CELF5: variants seen among roughly 807,000 people sequenced by gnomAD.
CELF5 encodes CUG-BP and ETR-3 like factor 5.
A neutral mutation model predicts 54.9 loss-of-function variants in CELF5; 6 were observed. The ratio of observed to expected loss-of-function variants is 0.11; its 90% CI spans 0.06 to 0.22. The LOEUF is 0.22. Ranked by LOEUF, CELF5 falls within the 10% of genes least tolerant of loss-of-function variation. The pLI is 1.00. For synonymous variants in CELF5, 271 were observed against 290.9 expected, an observed-to-expected ratio of 0.93 and a Z score of 0.70; for missense variants, 401 against 678.6, an observed-to-expected ratio of 0.59 and a Z score of 4.54.
chr19:3,250,849 G>C (rs1243552520), intron 1 of CELF5, 136 bp from the exon 2 acceptor site: 2 of 635,806 alleles, frequency 3.1e-6, no homozygotes, highest in Non-Finnish European at 5.7e-6. Context: ...TTGCGTGGAT[G>C]CACCAGGTTG....
chr19:3,274,390 C>T (rs1271603763), intron 3 of CELF5, among the ~76,000 whole-genome samples: 1 of 152,288 alleles, frequency 6.6e-6, no homozygotes. Context: ...TGTGTGAGTA[C>T]GTGCACATGT....
Position 3,278,687 on chromosome 19 carries a change from G to A in CELF5, c.603+577G>A, listed in dbSNP as rs1337816593. 6.6e-6 allele frequency among the ~76,000 whole-genome samples: 1 copy of A among 151,626 alleles called. No homozygotes were observed. Among genetic ancestry groups the A allele is most frequent in the Non-Finnish European group, 1.5e-5 (1 of 67,862 alleles). ...TGCATTTGTGGGCAGGTTTGTGTGT[G>A]TGTGTGTGTGTGTTTGTGTGTGTGC... is the stretch of plus-strand genomic sequence containing the variant. On this transcript the variant is annotated intron_variant, in intron 5 of 12. Coordinates refer to ENST00000292672, the MANE Select transcript of CELF5 (RefSeq NM_021938.4). The surrounding 1 kb of genome is among the most constrained non-coding windows in gnomAD (Gnocchi z 4.5).
chr19:3,225,499 G>T, intron 1 of CELF5: 1 of 225,742 alleles, frequency 4.4e-6, no homozygotes, highest in Non-Finnish European at 5.7e-6. Context: ...AGCCTCCCCA[G>T]GCCCCGTCGG....
At chr19:3,244,249 C>T (rs1568334576) in intron 1 of CELF5, among the ~76,000 whole-genome samples, 1 of 151,718 alleles carries the variant, frequency 6.6e-6, no homozygotes, top group Admixed American at 6.6e-5. Flanking sequence ...CTGTGTGTGG[C>T]GTGTGCATGG....
intron 2 of CELF5, 62 bp from the exon 3 acceptor site, chr19:3,273,810 A>T: frequency 1.7e-6 from 2 of 1,190,150 alleles, no homozygotes; most frequent in Non-Finnish European, 1.2e-6. Flanking sequence ...CTCAGGCAAA[A>T]CCCCCCGCCT....
chr19:3,242,744 T>C (rs2079508963), intron 1 of CELF5, among the ~76,000 whole-genome samples: 1 of 152,012 alleles, frequency 6.6e-6, no homozygotes, highest in Admixed American at 6.6e-5. Flanking sequence ...AGGCAGAGGT[T>C]ACAGTGAGCC....
intron 2 of CELF5, among the ~76,000 whole-genome samples, chr19:3,267,011 C>T (rs1484363626): frequency 6.6e-5 from 10 of 152,232 alleles, no homozygotes; most frequent in South Asian, 4.1e-4. Context: ...CGTGAGACAC[C>T]GAGACAGCCA....
Position 3,286,015 on chromosome 19 carries a change from G to A in CELF5, c.1176G>A (p.Gln392=), listed in dbSNP as rs376828058. The change falls in exon 10 of 13, where the codon CAG becomes CAA. Residue 392 remains glutamine (Q), a synonymous_variant. Coordinates refer to ENST00000292672, the MANE Select transcript of CELF5 (RefSeq NM_021938.4). ...AGCCGCCGCCCCTCCTGCAGCAGCA[G>A]CAGCGAGAAGGTGAGGCGGCCGCAA... ...VPQPPPLLQQ[Q]QREGPEGCNL... is the part of the protein sequence containing the mutation. 16 of 1,581,826 alleles carry A rather than the reference G, an allele frequency of 1.0e-5. No homozygotes were observed. The highest frequency in any genetic ancestry group is 8.7e-5 in the Admixed American group (5 of 57,702).
chr19:3,226,636 A>G (rs1032382599), intron 1 of CELF5, among the ~76,000 whole-genome samples: 2 of 152,114 alleles, frequency 1.3e-5, no homozygotes, highest in African/African-American at 4.8e-5. Flanking sequence ...ATTTCTAGAA[A>G]GATTCCCGTG....
Position 3,282,306 on chromosome 19 carries a change from G to C in CELF5, c.892+39G>C. 6.2e-7 allele frequency: 1 copy of C among 1,608,758 alleles called. No homozygotes were observed. The highest frequency in any genetic ancestry group is 1.3e-5 in the African/African-American group (1 of 75,054). On this transcript the variant is annotated intron_variant, in intron 7 of 12. Coordinates refer to ENST00000292672, the MANE Select transcript of CELF5 (RefSeq NM_021938.4). The surrounding 1 kb of genome is among the most constrained non-coding windows in gnomAD (Gnocchi z 5.2). The stretch of plus-strand genomic sequence containing the variant: ...AGGCACCCAAGGATGGGTGGGCAGG[G>C]CTGGAGCCAGAACTGGCCTCCCCAT...
chr19:3,271,646 G>A (rs1216871663), intron 2 of CELF5, among the ~76,000 whole-genome samples: 1 of 152,108 alleles, frequency 6.6e-6, no homozygotes, highest in African/African-American at 2.4e-5. Flanking sequence ...TCTTAGAGAG[G>A]GGAGGGGACC....
intron 1 of CELF5, among the ~76,000 whole-genome samples, chr19:3,244,786 T>C (rs1261447632): frequency 6.9e-6 from 1 of 144,302 alleles, no homozygotes; most frequent in African/African-American, 2.6e-5. Context: ...CGTGTGTGTA[T>C]GGTATTTGCA....
rs561507841 is a variant in CELF5 at position 3,283,600 on chromosome 19, G to A, written c.1039+1102G>A. 2.6e-3 allele frequency among the ~76,000 whole-genome samples: 397 copies of A among 151,794 alleles called. 1 individual carries two copies. Among genetic ancestry groups the A allele is most frequent in the Non-Finnish European group, 3.8e-3 (258 of 67,932 alleles). ...CCTGGGCTCAAGCAGGCCTCCCAAA[G>A]TGCCGGGATTATAGGTGTGAGCCAC... On this transcript the variant is annotated intron_variant, in intron 8 of 12. Transcript: ENST00000292672.
chr19:3,263,579 CA>C (rs1039137567), intron 2 of CELF5, among the ~76,000 whole-genome samples: 2 of 147,728 alleles, frequency 1.4e-5, no homozygotes. Context: ...AAGAAACAAA[CA>C]AACAAACAAA....
At chr19:3,283,962 C>G (rs935541469) in intron 8 of CELF5, among the ~76,000 whole-genome samples, 2 of 151,812 alleles carry the variant, frequency 1.3e-5, no homozygotes, top group African/African-American at 4.8e-5. Context: ...CTCAGCCTCC[C>G]AAGTCACTGG....
Position 3,275,272 on chromosome 19 carries a change from C to A in CELF5, c.395-584C>A, listed in dbSNP as rs1230537271. 2.0e-5 allele frequency among the ~76,000 whole-genome samples: 3 copies of A among 152,226 alleles called. No homozygotes were observed. Among genetic ancestry groups the A allele is most frequent in the Admixed American group, 6.5e-5 (1 of 15,284 alleles). On this transcript the variant is annotated intron_variant, in intron 3 of 12. Coordinates refer to ENST00000292672, the MANE Select transcript of CELF5 (RefSeq NM_021938.4). The surrounding 1 kb of genome is among the most constrained non-coding windows in gnomAD (Gnocchi z 6.7). ...CAGCCCCACCCAGCAGGGGGTCCAG[C>A]CTGCCAAGGCCCCTGGTCCACTGAG...
At chr19:3,241,117 A>G (rs1307596769) in intron 1 of CELF5, among the ~76,000 whole-genome samples, 3 of 149,312 alleles carry the variant, frequency 2.0e-5, no homozygotes, top group African/African-American at 7.4e-5. Context: ...GCTGGAGCGC[A>G]GTGGCACCAT....
At position 3,293,789 on chromosome 19, in the gene CELF5, G is replaced by A. The variant is rs965662742; in HGVS notation, c.*40+303G>A. The A allele has an allele frequency of 1.2e-4, 30 of 251,082 alleles. No individual in the cohort carries two copies. In the Admixed American group the frequency reaches 1.4e-3, roughly 11 times the overall value. The allele number at this position is 251,082 out of a possible 1,614,324, so 15.6% of individuals were successfully genotyped here. A position where few individuals can be genotyped will look rare whatever the true frequency, so the allele number is the denominator to read the frequency against. The stretch of plus-strand genomic sequence containing the variant: ...GAGGGCTGAATAGAAGTTCACCTGA[G>A]AGGCCAGGTTTGCTCTGGGGGTGGG... On this transcript the variant is annotated intron_variant, in intron 12 of 12. Coordinates refer to ENST00000292672, the MANE Select transcript of CELF5 (RefSeq NM_021938.4).
At position 3,278,024 on chromosome 19, in the gene CELF5, G is replaced by T. The variant is rs761801535; in HGVS notation, c.524-7G>T. The stretch of plus-strand genomic sequence containing the variant: ...ACCCTCTACCTCTTCTTCTTCTCTT[G>T]GAGCAGGCTGTGCTTTCGTGAAGTT... On this transcript the variant is annotated splice_region_variant and splice_polypyrimidine_tract_variant and intron_variant, in intron 4 of 12. Coordinates refer to ENST00000292672, the MANE Select transcript of CELF5 (RefSeq NM_021938.4). The surrounding 1 kb of genome is among the most constrained non-coding windows in gnomAD (Gnocchi z 4.5). 1.7e-5 allele frequency: 28 copies of T among 1,613,274 alleles called. No individual in the cohort carries two copies. Among genetic ancestry groups the T allele is most frequent in the Non-Finnish European group, 2.2e-5 (26 of 1,179,400 alleles).
Sources: gnomAD v4.1 joint callset for allele counts (sites outside exome capture counted in the v4.1 genomes callset) on GRCh38, gnomAD v4.1.1 for gene constraint, Gnocchi (gnomAD v3.1) non-coding constraint, MANE v1.5 for transcripts, NCBI Gene and HGNC (gene_info 2026-07-23, HGNC 2026-07-21) for gene names.